PIK3CB: variants seen among roughly 807,000 people sequenced by gnomAD.
PIK3CB encodes phosphatidylinositol 4,5-bisphosphate 3-kinase catalytic subunit beta isoform.
A neutral mutation model predicts 136.8 loss-of-function variants in PIK3CB; 39 were observed. That is an observed-to-expected ratio of 0.29 (90% CI 0.22 to 0.37). The LOEUF is 0.37. Ranked by LOEUF, PIK3CB falls within the 10% of genes least tolerant of loss-of-function variation. The pLI is 1.00. For missense variants in PIK3CB, 868 were observed against 1,275.4 expected, an observed-to-expected ratio of 0.68 and a Z score of 4.87; for synonymous variants, 428 against 436.6, an observed-to-expected ratio of 0.98 and a Z score of 0.25.
intron 2 of PIK3CB, chr3:138,777,831 G>A (rs539770633): frequency 9.5e-6 from 2 of 209,750 alleles, no homozygotes; most frequent in Non-Finnish European, 2.0e-5. Flanking sequence ...ACATCACAAT[G>A]AAAGTGAAAG....
At chr3:138,682,110 C>CTGAGTTAGTCTTG in intron 18 of PIK3CB, 65 bp from the exon 19 acceptor site, 1 of 911,304 alleles carries the variant, frequency 1.1e-6, no homozygotes, top group Non-Finnish European at 1.8e-6. Flanking sequence ...CTCATTAATT[C>CTGAGTTAGTCTTG]AAGACTAACT....
At chr3:138,713,708 T>C (rs545263761) in intron 9 of PIK3CB, among the ~76,000 whole-genome samples, 3 of 151,874 alleles carry the variant, frequency 2.0e-5, no homozygotes, top group Non-Finnish European at 4.4e-5. Context: ...AATTAATATA[T>C]AGATAAATAT....
At chr3:138,798,214 A>C (rs6776184) in intron 1 of PIK3CB, among the ~76,000 whole-genome samples, 1 of 152,162 alleles carries the variant, frequency 6.6e-6, no homozygotes, top group East Asian at 1.9e-4. Context: ...GCCCAGGCTG[A>C]AGTGTGGTGG....
intron 3 of PIK3CB, 63 bp downstream of exon 3, chr3:138,759,110 A>T: frequency 2.0e-6 from 2 of 984,672 alleles, no homozygotes; most frequent in Non-Finnish European, 3.0e-6. Context: ...TCTATTATAG[A>T]ATGATATTTC....
rs144176883 is a variant in PIK3CB at position 138,776,358 on chromosome 3, A to C, written c.-16-16999T>G. On this transcript the variant is annotated intron_variant, in intron 2 of 23. Transcript: ENST00000674063. The stretch of plus-strand genomic sequence containing the variant: ...TATGGGAATACTCTCAAGGGATTAA[A>C]AATGTTTTGGATAAAACATTAGCAA... Among the ~76,000 whole-genome samples, 538 of 152,264 alleles carry C rather than the reference A, an allele frequency of 3.5e-3. 1 individual carries two copies. Among genetic ancestry groups the C allele is most frequent in the African/African-American group, 0.011 (461 of 41,540 alleles).
At chr3:138,825,698 A>T in intron 1 of PIK3CB, 1 of 661,740 alleles carries the variant, frequency 1.5e-6, no homozygotes, top group South Asian at 1.8e-5. Flanking sequence ...TCTCTCCAGG[A>T]TGTCTACAAA....
intron 1 of PIK3CB, among the ~76,000 whole-genome samples, chr3:138,816,065 A>G (rs973649045): frequency 1.3e-5 from 2 of 152,148 alleles, no homozygotes; most frequent in Admixed American, 1.3e-4. Context: ...ACTTTGGGAG[A>G]CCGAGGCAGG....
intron 1 of PIK3CB, among the ~76,000 whole-genome samples, chr3:138,799,343 AT>A (rs907376622): frequency 2.0e-5 from 3 of 150,082 alleles, no homozygotes; most frequent in African/African-American, 4.9e-5. Flanking sequence ...ACATCTGGCT[AT>A]TTTTTTTTGT....
At chr3:138,778,720 C>T in intron 2 of PIK3CB, 1 of 230,976 alleles carries the variant, frequency 4.3e-6, no homozygotes, top group South Asian at 6.1e-5. Flanking sequence ...GTATTGTTCT[C>T]AATGACTACT....
At chr3:138,800,336 C>T (rs1219271315) in intron 1 of PIK3CB, among the ~76,000 whole-genome samples, 1 of 143,462 alleles carries the variant, frequency 7.0e-6, no homozygotes, top group African/African-American at 2.5e-5. Flanking sequence ...ACCCATGACA[C>T]TTTTTTTTTT....
At chr3:138,829,866 G>C (rs1332808980) in intron 1 of PIK3CB, among the ~76,000 whole-genome samples, 1 of 152,142 alleles carries the variant, frequency 6.6e-6, no homozygotes, top group Non-Finnish European at 1.5e-5. Context: ...TACATTGAAA[G>C]ACGCCTAAAA....
intron 2 of PIK3CB, among the ~76,000 whole-genome samples, chr3:138,787,199 A>G (rs77937342): frequency 0.013 from 1,996 of 152,210 alleles, 43 homozygotes; most frequent in Middle Eastern, 0.048. Flanking sequence ...TAGTGTTCAC[A>G]TAACATAAGA....
chr3:138,824,211 C>CA (rs1268810585), intron 1 of PIK3CB, among the ~76,000 whole-genome samples: 1 of 152,172 alleles, frequency 6.6e-6, no homozygotes, highest in Non-Finnish European at 1.5e-5. Flanking sequence ...AATCCTCCCC[C>CA]TGCAGGCATG....
intron 2 of PIK3CB, among the ~76,000 whole-genome samples, chr3:138,792,934 C>T (rs1173323627): frequency 6.6e-6 from 1 of 152,150 alleles, no homozygotes; most frequent in Admixed American, 6.6e-5. Context: ...TGTGCCACCA[C>T]ACCCAGCTAA....
intron 4 of PIK3CB, among the ~76,000 whole-genome samples, chr3:138,754,704 C>A (rs1238718389): frequency 6.6e-6 from 1 of 152,144 alleles, no homozygotes; most frequent in Non-Finnish European, 1.5e-5. Flanking sequence ...TCTATGCACT[C>A]AGAGGGAGTA....
chr3:138,812,427 G>C (rs553598112), intron 1 of PIK3CB, among the ~76,000 whole-genome samples: 1 of 151,756 alleles, frequency 6.6e-6, no homozygotes, highest in South Asian at 2.1e-4. Context: ...AGTAGAGATG[G>C]GGTTTCACCA....
At position 138,654,289 on chromosome 3, in the gene PIK3CB, T is replaced by G. The variant is rs2043157324; in HGVS notation, c.*1100A>C. 1 of 216,608 alleles carries G rather than the reference T, an allele frequency of 4.6e-6. No individual in the cohort carries two copies. Among genetic ancestry groups the G allele is most frequent in the African/African-American group, 2.3e-5 (1 of 44,338 alleles). 13.4% of individuals were successfully genotyped at this position (216,608 alleles called of 1,614,324 possible). A position where few individuals can be genotyped will look rare whatever the true frequency, so the allele number is the denominator to read the frequency against. On this transcript the variant is annotated 3_prime_UTR_variant, in exon 24 of 24. Transcript: ENST00000674063. Reference sequence around the variant, plus strand: ...TTCCTATTGCACATATTAACATTACTTGCCCCTAGCACCCTAAATATATGG... The same window carrying G: ...TTCCTATTGCACATATTAACATTACGTGCCCCTAGCACCCTAAATATATGG...
At chr3:138,658,343 A>AG (rs2043227028) in intron 21 of PIK3CB, among the ~76,000 whole-genome samples, 1 of 151,990 alleles carries the variant, frequency 6.6e-6, no homozygotes. Context: ...CCAGCTACTC[A>AG]GGGGGGTGAG....
chr3:138,685,396 C>CAAAAAAAAAAAAAAAAAAAAAAA (rs398052626), intron 16 of PIK3CB, among the ~76,000 whole-genome samples: 14 of 58,352 alleles, frequency 2.4e-4, no homozygotes, highest in African/African-American at 3.9e-4. Flanking sequence ...GAAACTGTCT[C>CAAAAAAAAAAAAAAAAAAAAAAA]AAAAAAAAAA....
Sources: allele counts gnomAD v4.1 joint callset (sites outside exome capture counted in the v4.1 genomes callset), GRCh38; gene constraint gnomAD v4.1.1; transcripts MANE v1.5; gene names NCBI Gene and HGNC (gene_info 2026-07-23, HGNC 2026-07-21).